GLCE: variants seen among roughly 807,000 people sequenced by gnomAD.
GLCE encodes the protein glucuronic acid epimerase, also known as D-glucuronyl C5-epimerase.
In GLCE, 19 loss-of-function variants were observed where a neutral mutation model predicts 47.9. The ratio of observed to expected loss-of-function variants is 0.40; its 90% CI spans 0.28 to 0.58. GLCE has a LOEUF of 0.58. Among genes scored for constraint, GLCE ranks in the 20% least tolerant of loss-of-function variants. GLCE has a pLI of 0.48. For missense variants in GLCE, 556 were observed against 743.3 expected, an observed-to-expected ratio of 0.75 and a Z score of 2.93; for synonymous variants, 245 against 263.4, an observed-to-expected ratio of 0.93 and a Z score of 0.68.
chr15:69,192,515 T>G (rs1373201503), intron 1 of GLCE, among the ~76,000 whole-genome samples: 1 of 152,176 alleles, frequency 6.6e-6, no homozygotes, highest in Non-Finnish European at 1.5e-5. Flanking sequence ...GATCATCTCT[T>G]TCATTTCTGG....
intron 1 of GLCE, among the ~76,000 whole-genome samples, chr15:69,178,411 T>C (rs2051703537): frequency 6.6e-6 from 1 of 152,154 alleles, no homozygotes; most frequent in Non-Finnish European, 1.5e-5. Context: ...TAACAATCAG[T>C]GTAATCAAGT....
At chr15:69,187,128 A>C (rs766452020) in intron 1 of GLCE, among the ~76,000 whole-genome samples, 10 of 152,320 alleles carry the variant, frequency 6.6e-5, no homozygotes, top group Middle Eastern at 3.4e-3. Context: ...TGTATTAGCT[A>C]TAGTTTCTGT....
At chr15:69,234,109 C>T (rs1967212) in intron 2 of GLCE, among the ~76,000 whole-genome samples, 77,321 of 151,588 alleles carry the variant, frequency 0.51, 23,304 homozygotes, top group Admixed American at 0.65. Flanking sequence ...TCCCCAGTAG[C>T]TGGCAGTACA....
intron 1 of GLCE, among the ~76,000 whole-genome samples, chr15:69,192,241 A>G (rs2051924043): frequency 6.7e-6 from 1 of 150,076 alleles, no homozygotes; most frequent in East Asian, 2.0e-4. Context: ...TGGAGGGGTT[A>G]TGTGTGTGTG....
At chr15:69,169,430 C>T (rs936562141) in intron 1 of GLCE, among the ~76,000 whole-genome samples, 33 of 151,986 alleles carry the variant, frequency 2.2e-4, no homozygotes, top group African/African-American at 7.5e-4. Flanking sequence ...ACTTTAAGTT[C>T]TGGGGTACAT....
At chr15:69,168,922 A>G (rs1251797804) in intron 1 of GLCE, among the ~76,000 whole-genome samples, 1 of 152,222 alleles carries the variant, frequency 6.6e-6, no homozygotes, top group Non-Finnish European at 1.5e-5. Context: ...AGCTCAATGA[A>G]TTACATATGT....
chr15:69,238,038 T>C (rs1245422801), intron 2 of GLCE, among the ~76,000 whole-genome samples: 1 of 152,258 alleles, frequency 6.6e-6, no homozygotes, highest in Non-Finnish European at 1.5e-5. Context: ...ACACTGTAAT[T>C]GTTCAGCTTT....
chr15:69,247,619 G>T (rs2052771257), intron 2 of GLCE, among the ~76,000 whole-genome samples: 1 of 152,172 alleles, frequency 6.6e-6, no homozygotes, highest in African/African-American at 2.4e-5. Context: ...CTTTAGACAT[G>T]CCCTCCTCAC....
At chr15:69,262,637 A>T (rs1412317160) in intron 4 of GLCE, among the ~76,000 whole-genome samples, 1 of 152,140 alleles carries the variant, frequency 6.6e-6, no homozygotes, top group African/African-American at 2.4e-5. Flanking sequence ...TGCTTTGAGT[A>T]ATACAAAAGA....
rs72756309 is a variant in GLCE, at chr15:69,257,293, G to A, written c.586+901G>A. Among the ~76,000 whole-genome samples, 1,234 of 152,120 alleles carry A rather than the reference G, an allele frequency of 8.1e-3. 6 individuals carry two copies. Among genetic ancestry groups the A allele is most frequent in the Non-Finnish European group, 0.013 (857 of 67,968 alleles). On this transcript the variant is annotated intron_variant, in intron 3 of 4. Transcript: ENST00000261858. The stretch of plus-strand genomic sequence containing the variant: ...ATTGGAATTTACATATCTGATGCAG[G>A]AGTTTTTTCCTTTGTTTTTACTACT...
At chr15:69,253,752 A>C (rs1267175121) in intron 2 of GLCE, among the ~76,000 whole-genome samples, 10 of 152,216 alleles carry the variant, frequency 6.6e-5, no homozygotes, top group Non-Finnish European at 8.8e-5. Flanking sequence ...CACATCTCAA[A>C]ACTGCAGAAT....
intron 2 of GLCE, among the ~76,000 whole-genome samples, chr15:69,250,990 A>G (rs1388179338): frequency 6.6e-6 from 1 of 152,092 alleles, no homozygotes; most frequent in Non-Finnish European, 1.5e-5. Flanking sequence ...CCCAGTCCAG[A>G]ACCAAGTTTC....
chr15:69,263,448 C>A (rs1209628364), intron 4 of GLCE, among the ~76,000 whole-genome samples: 1 of 151,284 alleles, frequency 6.6e-6, no homozygotes, highest in African/African-American at 2.4e-5. Context: ...TCTTTCTTGG[C>A]CTTCGATTTT....
At chr15:69,229,894 A>T (rs1447800390) in intron 2 of GLCE, among the ~76,000 whole-genome samples, 3 of 151,888 alleles carry the variant, frequency 2.0e-5, no homozygotes, top group Admixed American at 6.6e-5. Flanking sequence ...ACTCACATTG[A>T]ATATAAAAAC....
intron 3 of GLCE, 127 bp from the exon 4 acceptor site, chr15:69,260,960 A>T: frequency 2.4e-6 from 2 of 841,136 alleles, no homozygotes; most frequent in Admixed American, 5.1e-5. Flanking sequence ...GAGCAGTATT[A>T]TAAGGAAGCC....
chr15:69,247,014 A>G (rs1595780334), intron 2 of GLCE, among the ~76,000 whole-genome samples: 1 of 152,328 alleles, frequency 6.6e-6, no homozygotes. Context: ...TAGATTTAGC[A>G]TAATTCTTAA....
intron 2 of GLCE, among the ~76,000 whole-genome samples, chr15:69,230,605 C>T (rs2052509246): frequency 6.6e-6 from 1 of 152,188 alleles, no homozygotes; most frequent in South Asian, 2.1e-4. Context: ...GTTGCTCTCT[C>T]ATTAGCCAAA....
chr15:69,270,772 T>A lies in GLCE; in HGVS notation c.*1528T>A, dbSNP rs971609583. The A allele has an allele frequency of 3.3e-5, 5 of 152,328 alleles. No homozygotes were observed. Among genetic ancestry groups the A allele is most frequent in the Admixed American group, 1.3e-4 (2 of 15,288 alleles). The allele number at this position is 152,328 out of a possible 1,614,324, so 9.4% of individuals were successfully genotyped here. ...GGCAGAAGCAAAGAAGATACAGATC[T>A]GCACTGAAGACATTAGACTGGCCAT... On this transcript the variant is annotated 3_prime_UTR_variant, in exon 5 of 5. Coordinates refer to ENST00000261858, the MANE Select transcript of GLCE (RefSeq NM_015554.3).
At chr15:69,250,718 A>T (rs1237336986) in intron 2 of GLCE, among the ~76,000 whole-genome samples, 3 of 149,270 alleles carry the variant, frequency 2.0e-5, no homozygotes, top group Non-Finnish European at 4.4e-5. Flanking sequence ...TCGGCATAGC[A>T]CCCTATAGCC....
Sources: gnomAD v4.1 joint callset for allele counts (sites outside exome capture counted in the v4.1 genomes callset) on GRCh38, gnomAD v4.1.1 for gene constraint, MANE v1.5 for transcripts, NCBI Gene and HGNC (gene_info 2026-07-23, HGNC 2026-07-21) for gene names.